Variants in AIFM2 observed in about 807,000 individuals in gnomAD.
AIFM2 encodes the protein ferroptosis suppressor protein 1.
Under a neutral mutation model 35.7 loss-of-function variants are expected in AIFM2, and 38 were observed. That is an observed-to-expected ratio of 1.06 (90% CI 0.82 to 1.39). The LOEUF (loss-of-function observed/expected upper bound fraction) is 1.39, where lower values mean the gene tolerates loss of function less well. Ranked by LOEUF, AIFM2 falls within the 40% of genes most tolerant of loss-of-function variation. AIFM2 has a pLI of 0.00. For synonymous variants in AIFM2, 185 were observed against 203.5 expected (o/e 0.91, Z 0.77); for missense variants, 476 against 491.2 (o/e 0.97, Z 0.29).
chr10:70,116,555 G>T, intron 7 of AIFM2, 67 bp downstream of exon 7: 1 of 1,593,762 alleles, frequency 6.3e-7, no homozygotes, highest in Non-Finnish European at 8.6e-7. Context: ...GGCAAGCACT[G>T]CAGGGCATTC....
rs1223592164 is a variant in AIFM2, at chr10:70,115,099, C to A, written c.791G>T (p.Gly264Val). 6.2e-7 allele frequency: 1 copy of A among 1,613,894 alleles called. No individual in the cohort carries two copies. Among genetic ancestry groups the A allele is most frequent in the Non-Finnish European group, 8.5e-7 (1 of 1,179,900 alleles). Residue 264 changes from glycine to valine, a missense_variant, in exon 8 of 9, where the codon GGT becomes GTT. Coordinates refer to ENST00000307864, the MANE Select transcript of AIFM2 (RefSeq NM_032797.6). Reference protein sequence around the residue: ...KAFESRLASSGALRVNEHLQV... With the variant: ...KAFESRLASSVALRVNEHLQV... ...GAGGTGCTCGTTCACTCTCAGAGCA[C>A]CACTGCTGGCTAGTCTGCTCTCTGC...
At position 70,117,753 on chromosome 10, in the gene AIFM2, T is replaced by C. The variant is rs2072453530; in HGVS notation, c.616+59A>G. On this transcript the variant is annotated intron_variant, in intron 6 of 8. Transcript: ENST00000307864. This position sits in a 1 kb window ranked among gnomAD's most constrained non-coding sequence, Gnocchi z 4.7. ...TCCTGCTGGAAGCAGTCACCAAGCC[T>C]CCAAGCCACATCTCACCAGGCCAGG... 2.8e-6 allele frequency: 4 copies of C among 1,435,438 alleles called. No homozygotes were observed. In the South Asian group the frequency reaches 3.8e-5, roughly 14 times the overall value. 88.9% of individuals were successfully genotyped at this position (1,435,438 alleles called of 1,614,324 possible).
In AIFM2 at chr10:70,117,004, C is replaced by T. The variant is rs1438590666; in HGVS notation, c.617-230G>A. Among the ~76,000 whole-genome samples, 1 of 152,192 alleles carries T rather than the reference C, an allele frequency of 6.6e-6. No individual in the cohort carries two copies. Among genetic ancestry groups the T allele is most frequent in the Non-Finnish European group, 1.5e-5 (1 of 68,014 alleles). On this transcript the variant is annotated intron_variant, in intron 6 of 8. Transcript: ENST00000307864. This position sits in a 1 kb window ranked among gnomAD's most constrained non-coding sequence, Gnocchi z 4.7. ...CTCTGGAGAAAAGTTCCAAGAAGCC[C>T]CTGGAGGGAAGCGAGGCTGTTTCCC...
intron 3 of AIFM2, among the ~76,000 whole-genome samples, chr10:70,122,562 G>A (rs1266439919): frequency 6.6e-6 from 1 of 152,220 alleles, no homozygotes; most frequent in Non-Finnish European, 1.5e-5. Flanking sequence ...GCACATGTGA[G>A]GTGGGGGAAC....
chr10:70,120,758 C>A (rs1388996417), intron 4 of AIFM2, among the ~76,000 whole-genome samples, 159 bp from the exon 5 acceptor site: 11 of 152,194 alleles, frequency 7.2e-5, no homozygotes, highest in African/African-American at 2.7e-4. Flanking sequence ...ACCCACCTCG[C>A]AGAATTGCTG....
At chr10:70,120,422 G>T in intron 5 of AIFM2, 85 bp downstream of exon 5, 1 of 1,376,362 alleles carries the variant, frequency 7.3e-7, no homozygotes, top group Non-Finnish European at 1.0e-6. Flanking sequence ...AGACTTCTCT[G>T]CCCTGAGCAA....
chr10:70,115,780 A>G (rs950148725), intron 7 of AIFM2, among the ~76,000 whole-genome samples: 3 of 152,248 alleles, frequency 2.0e-5, no homozygotes. Flanking sequence ...AATAAAAATA[A>G]AAAACAAAAC....
Position 70,132,808 on chromosome 10 carries a change from T to C in AIFM2, c.-88A>G, listed in dbSNP as rs985538505. Reference sequence around the variant, plus strand: ...GCTCCCGCTTGGTCGTCTTCCCGAGTTACTGACCCGAGGCGCTCCCGGGCG... The same window carrying C: ...GCTCCCGCTTGGTCGTCTTCCCGAGCTACTGACCCGAGGCGCTCCCGGGCG... On this transcript the variant is annotated 5_prime_UTR_variant, in exon 1 of 9. Coordinates refer to ENST00000307864, the MANE Select transcript of AIFM2 (RefSeq NM_032797.6). The C allele has an allele frequency of 3.3e-5, 5 of 149,596 alleles. No homozygotes were observed. The South Asian group carries it at 9.3e-4, about 28-fold the overall frequency. The allele number at this position is 149,596 out of a possible 1,614,324, so 9.3% of individuals were successfully genotyped here.
intron 1 of AIFM2, 127 bp downstream of exon 1, chr10:70,132,607 G>A (rs2072638486): frequency 1.3e-5 from 2 of 152,290 alleles, no homozygotes; most frequent in African/African-American, 2.4e-5. Context: ...CCACAACTGC[G>A]CGCACCGACC....
intron 3 of AIFM2, among the ~76,000 whole-genome samples, chr10:70,122,900 G>A (rs1468580740): frequency 1.3e-5 from 2 of 152,222 alleles, no homozygotes; most frequent in Non-Finnish European, 2.9e-5. Context: ...CTGGCATGCA[G>A]GAATTACACA....
chr10:70,114,721 G>C (rs1389092448), intron 8 of AIFM2, 199 bp downstream of exon 8: 1 of 639,048 alleles, frequency 1.6e-6, no homozygotes, highest in Admixed American at 2.9e-5. Context: ...TGATCTGCCC[G>C]CCTCGGCCTC....
intron 3 of AIFM2, among the ~76,000 whole-genome samples, chr10:70,122,665 C>A (rs561364083): frequency 6.6e-6 from 1 of 152,180 alleles, no homozygotes; most frequent in African/African-American, 2.4e-5. Context: ...TAGACAGAGC[C>A]GAGGGCTGGC....
Position 70,116,791 on chromosome 10 carries a change from G to T in AIFM2, c.617-17C>A, listed in dbSNP as rs776174644. On this transcript the variant is annotated splice_polypyrimidine_tract_variant and intron_variant, in intron 6 of 8. Coordinates refer to ENST00000307864, the MANE Select transcript of AIFM2 (RefSeq NM_032797.6). ...CCCGCTCACCTAGAAGGGGGTTCATGACCAGGAGGCTGGTGGGGACAGGGA... is the reference window on the plus strand; with the variant it reads ...CCCGCTCACCTAGAAGGGGGTTCATTACCAGGAGGCTGGTGGGGACAGGGA... 27 of 1,612,682 alleles carry T rather than the reference G, an allele frequency of 1.7e-5. No homozygotes were observed. The highest frequency in any genetic ancestry group is 8.3e-5 in the Admixed American group (5 of 59,976).
At chr10:70,116,588 G>A in intron 7 of AIFM2, 34 bp downstream of exon 7, 1 of 1,611,642 alleles carries the variant, frequency 6.2e-7, no homozygotes, top group South Asian at 1.1e-5. Flanking sequence ...AGAGCAAGGA[G>A]GCACAGGGGA....
intron 1 of AIFM2, among the ~76,000 whole-genome samples, chr10:70,126,116 G>A (rs949409123): frequency 2.0e-5 from 3 of 152,254 alleles, no homozygotes; most frequent in Non-Finnish European, 4.4e-5. Context: ...GTGGGCCTCA[G>A]GCAGGCAGAG....
At chr10:70,114,476 TTTTG>T (rs1446883465) in intron 8 of AIFM2, 147 bp from the exon 9 acceptor site, 10 of 1,032,368 alleles carry the variant, frequency 9.7e-6, no homozygotes, top group South Asian at 6.2e-5. Flanking sequence ...CCTGATTTTT[TTTTG>T]TTTGTTTTTT....
intron 1 of AIFM2, among the ~76,000 whole-genome samples, chr10:70,126,269 G>C (rs898427503): frequency 6.6e-6 from 1 of 152,248 alleles, no homozygotes; most frequent in African/African-American, 2.4e-5. Context: ...CAGGCTGCTG[G>C]GGGGAGATGC....
At position 70,115,017 on chromosome 10, in the gene AIFM2, C is replaced by T. The variant is rs142241516; in HGVS notation, c.873G>A (p.Thr291=). ...GGCCGGCAAGATAGGCCATCTTGGG[C>T]GTCCTCACGTCGGCACAGTCACCAA... ...YAIGDCADVR[T]PKMAYLAGLH... The change falls in exon 8 of 9, where the codon ACG becomes ACA. Residue 291 remains threonine (T), a synonymous_variant. Coordinates refer to ENST00000307864, the MANE Select transcript of AIFM2 (RefSeq NM_032797.6). 1,047 of 1,614,146 alleles carry T rather than the reference C, an allele frequency of 6.5e-4. 1 individual carries two copies. In the African/African-American group the frequency reaches 0.012, roughly 19 times the overall value.
chr10:70,114,488 T>G (rs2072411975), intron 8 of AIFM2, among the ~76,000 whole-genome samples, 159 bp from the exon 9 acceptor site: 1 of 152,164 alleles, frequency 6.6e-6, no homozygotes, highest in Admixed American at 6.5e-5. Flanking sequence ...TTGTTTGTTT[T>G]TTTGAGACAG....
Sources: gnomAD v4.1 joint callset for allele counts (sites outside exome capture counted in the v4.1 genomes callset) on GRCh38, gnomAD v4.1.1 for gene constraint, Gnocchi (gnomAD v3.1) non-coding constraint, MANE v1.5 for transcripts, NCBI Gene and HGNC (gene_info 2026-07-23, HGNC 2026-07-21) for gene names.